The following RBFOX1 variants were observed in gnomAD, a reference collection of about 807,000 sequenced individuals.
The protein encoded by RBFOX1 is RNA binding fox-1 homolog 1.
RBFOX1 carries 8 observed loss-of-function variants against 57.7 expected under a neutral mutation model. The observed-to-expected ratio is 0.14, with a 90% confidence interval of 0.08 to 0.25. The LOEUF (loss-of-function observed/expected upper bound fraction) is 0.25, where lower values mean the gene tolerates loss of function less well. Among genes scored for constraint, RBFOX1 ranks in the 10% least tolerant of loss-of-function variants. The pLI, the probability that RBFOX1 is intolerant of heterozygous loss-of-function variation, is 1.00. For synonymous variants in RBFOX1, 326 were observed against 222.4 expected, an observed-to-expected ratio of 1.47 and a Z score of -4.15; for missense variants, 611 against 548.5, an observed-to-expected ratio of 1.11 and a Z score of -1.14.
intron 2 of RBFOX1, among the ~76,000 whole-genome samples, chr16:6,574,225 A>G (rs935833879): frequency 2.0e-5 from 3 of 151,872 alleles, no homozygotes; most frequent in Non-Finnish European, 4.4e-5. Context: ...TTATCTGTAA[A>G]GTGGGCTCCA....
At chr16:6,721,487 A>T (rs970465344) in intron 3 of RBFOX1, among the ~76,000 whole-genome samples, 2 of 152,206 alleles carry the variant, frequency 1.3e-5, no homozygotes, top group African/African-American at 4.8e-5. Flanking sequence ...TTAAGTGTAC[A>T]GTTCTGTAAT....
At chr16:7,181,849 C>G (rs2082775591) in intron 4 of RBFOX1, among the ~76,000 whole-genome samples, 1 of 152,102 alleles carries the variant, frequency 6.6e-6, no homozygotes, top group African/African-American at 2.4e-5. Context: ...GTGTGAGACA[C>G]CATACCCGGG....
chr16:6,668,642 C>T (rs917515236), intron 3 of RBFOX1, among the ~76,000 whole-genome samples: 4 of 152,152 alleles, frequency 2.6e-5, no homozygotes, highest in African/African-American at 7.2e-5. Flanking sequence ...ATGTCATCCT[C>T]ATATAACTAG....
At chr16:7,127,905 A>C (rs2069034741) in intron 4 of RBFOX1, among the ~76,000 whole-genome samples, 1 of 152,200 alleles carries the variant, frequency 6.6e-6, no homozygotes, top group African/African-American at 2.4e-5. Flanking sequence ...GTCACAATGC[A>C]CCTGGTCTTT....
At chr16:5,956,858 A>G (rs2059654277) in intron 4 of RBFOX1, among the ~76,000 whole-genome samples, 1 of 144,568 alleles carries the variant, frequency 6.9e-6, no homozygotes, top group African/African-American at 2.6e-5. Flanking sequence ...TTTTATAGAG[A>G]TGGGGTTTCG....
At chr16:6,077,489 C>T (rs2095921887) in intron 1 of RBFOX1, among the ~76,000 whole-genome samples, 1 of 152,090 alleles carries the variant, frequency 6.6e-6, no homozygotes, top group Non-Finnish European at 1.5e-5. Flanking sequence ...TCACCCATGA[C>T]CACCACCATC....
intron 3 of RBFOX1, among the ~76,000 whole-genome samples, chr16:6,791,306 C>T (rs2082894374): frequency 6.6e-6 from 1 of 152,140 alleles, no homozygotes; most frequent in African/African-American, 2.4e-5. Flanking sequence ...TTAATACATT[C>T]ATTATATATG....
At chr16:5,425,091 A>ATCTG (rs2067511241) in intron 1 of RBFOX1, among the ~76,000 whole-genome samples, 3 of 136,166 alleles carry the variant, frequency 2.2e-5, no homozygotes, top group South Asian at 2.3e-4. Context: ...CTATCTATCT[A>ATCTG]TCTATCTATC....
chr16:7,092,098 G>A (rs1368049481), intron 4 of RBFOX1, among the ~76,000 whole-genome samples: 1 of 152,166 alleles, frequency 6.6e-6, no homozygotes, highest in Non-Finnish European at 1.5e-5. Context: ...AACTCTTAAA[G>A]ATATTTAAAG....
At chr16:6,799,563 G>C (rs958925451) in intron 3 of RBFOX1, among the ~76,000 whole-genome samples, 1 of 152,046 alleles carries the variant, frequency 6.6e-6, no homozygotes, top group Non-Finnish European at 1.5e-5. Flanking sequence ...GTTGTCAGAG[G>C]AGATAAACAC....
At chr16:6,256,147 ATATATATATATG>A (rs1269771918) in intron 1 of RBFOX1, among the ~76,000 whole-genome samples, 1 of 36,496 alleles carries the variant, frequency 2.7e-5, no homozygotes, top group African/African-American at 8.5e-5. Context: ...ATGTGTGTAT[ATATATATATATG>A]TATATATATA....
At chr16:5,574,605 A>G (rs2046394253) in intron 2 of RBFOX1, among the ~76,000 whole-genome samples, 1 of 151,656 alleles carries the variant, frequency 6.6e-6, no homozygotes. Flanking sequence ...GTTTGTTTGT[A>G]TTTTTAGTAG....
chr16:5,470,966 C>T (rs574174721), intron 2 of RBFOX1, among the ~76,000 whole-genome samples: 1 of 152,292 alleles, frequency 6.6e-6, no homozygotes, highest in Non-Finnish European at 1.5e-5. Flanking sequence ...ATTCTACTGC[C>T]TCAGCCTCCT....
chr16:6,757,910 A>T (rs2076053473), intron 3 of RBFOX1, among the ~76,000 whole-genome samples: 2 of 152,210 alleles, frequency 1.3e-5, no homozygotes. Context: ...CCCTGTAAAT[A>T]TGTACAATTA....
intron 1 of RBFOX1, among the ~76,000 whole-genome samples, chr16:6,091,521 T>G (rs2096173552): frequency 9.5e-6 from 1 of 105,592 alleles, no homozygotes; most frequent in African/African-American, 5.3e-5. Flanking sequence ...GACTACATGG[T>G]AGGTATTCAA....
chr16:6,038,999 T>C (rs961374708), intron 1 of RBFOX1: 47 of 125,418 alleles, frequency 3.7e-4, no homozygotes, highest in African/African-American at 1.4e-3. Context: ...TCTTCATGTA[T>C]GCTGGTTTGC....
intron 1 of RBFOX1, among the ~76,000 whole-genome samples, chr16:6,102,173 C>T (rs1322762622): frequency 8.6e-6 from 1 of 116,936 alleles, no homozygotes; most frequent in Non-Finnish European, 1.7e-5. Flanking sequence ...TTCCCTCTTT[C>T]AGCCAAAAAA....
intron 3 of RBFOX1, among the ~76,000 whole-genome samples, chr16:6,718,522 T>C (rs1418429013): frequency 2.0e-5 from 3 of 152,206 alleles, no homozygotes; most frequent in Non-Finnish European, 4.4e-5. Context: ...TGAAACCACC[T>C]TTAAGGAGGC....
At chr16:6,629,672 T>G (rs2098358506) in intron 2 of RBFOX1, among the ~76,000 whole-genome samples, 1 of 152,124 alleles carries the variant, frequency 6.6e-6, no homozygotes, top group Non-Finnish European at 1.5e-5. Context: ...AGATTTTAAT[T>G]AACAGCAGGT....
Sources: gnomAD v4.1 joint callset for allele counts (sites outside exome capture counted in the v4.1 genomes callset) on GRCh38, gnomAD v4.1.1 for gene constraint, MANE v1.5 for transcripts, NCBI Gene and HGNC (gene_info 2026-07-23, HGNC 2026-07-21) for gene names.